GLRB: variants seen among roughly 807,000 people sequenced by gnomAD.
GLRB encodes glycine receptor beta, also known as glycine receptor subunit beta.
In GLRB, 33 loss-of-function variants were observed where a neutral mutation model predicts 54.2. The observed-to-expected ratio is 0.61, with a 90% CI of 0.46 to 0.81. The LOEUF is 0.81. Among genes scored for constraint, GLRB ranks in the 40% least tolerant of loss-of-function variants. The probability of loss-of-function intolerance (pLI) is 0.00; values close to 1 mark genes in which losing one functional copy is unlikely to be tolerated. For synonymous variants in GLRB, 209 were observed against 208.2 expected (o/e 1.00, Z -0.03); for missense variants, 572 against 584.6 (o/e 0.98, Z 0.22).
chr4:157,127,825 A>G (rs934819561), intron 4 of GLRB, among the ~76,000 whole-genome samples: 10 of 151,900 alleles, frequency 6.6e-5, no homozygotes, highest in African/African-American at 2.4e-4. Context: ...AGCCCCTCAG[A>G]CAGAACAATT....
intron 2 of GLRB, among the ~76,000 whole-genome samples, chr4:157,087,791 T>TA (rs1025907904): frequency 1.3e-5 from 2 of 152,022 alleles, no homozygotes; most frequent in African/African-American, 4.8e-5. Flanking sequence ...TGTATCCTTT[T>TA]TTTTTTCTTG....
intron 2 of GLRB, among the ~76,000 whole-genome samples, chr4:157,095,857 G>A (rs887656757): frequency 2.0e-5 from 3 of 152,080 alleles, no homozygotes; most frequent in African/African-American, 4.8e-5. Flanking sequence ...GAAAAGTCAT[G>A]CTCGAATATT....
intron 8 of GLRB, among the ~76,000 whole-genome samples, chr4:157,144,316 G>T (rs1388787928): frequency 6.6e-6 from 1 of 152,116 alleles, no homozygotes; most frequent in Non-Finnish European, 1.5e-5. Flanking sequence ...CTGAAAAATA[G>T]TATGTATTAT....
At chr4:157,139,089 T>A (rs1040593232) in intron 7 of GLRB, 140 bp downstream of exon 7, 5 of 564,854 alleles carry the variant, frequency 8.9e-6, no homozygotes, top group African/African-American at 7.6e-5. Context: ...CATTCATATG[T>A]TTAAGTCTTT....
At chr4:157,169,680 C>G (rs1308955177) in intron 9 of GLRB, among the ~76,000 whole-genome samples, 4 of 151,922 alleles carry the variant, frequency 2.6e-5, no homozygotes, top group African/African-American at 7.3e-5. Context: ...ATAAGTGGAC[C>G]CTTGCAGTTC....
At chr4:157,078,353 C>A in intron 2 of GLRB, 1 of 379,578 alleles carries the variant, frequency 2.6e-6, no homozygotes, top group South Asian at 1.1e-4. Flanking sequence ...TTATAGTTTT[C>A]TTTTTTTAAA....
intron 2 of GLRB, among the ~76,000 whole-genome samples, chr4:157,094,595 G>A (rs1442641297): frequency 9.9e-5 from 15 of 152,162 alleles, no homozygotes; most frequent in Admixed American, 9.8e-4. Context: ...CCAAAAGAGG[G>A]TAGCCTAAAG....
At chr4:157,111,242 C>T (rs899354522) in intron 2 of GLRB, among the ~76,000 whole-genome samples, 1 of 151,962 alleles carries the variant, frequency 6.6e-6, no homozygotes, top group Admixed American at 6.6e-5. Context: ...GGTTTACTTC[C>T]GTTCCTTGCT....
chr4:157,114,038 C>A (rs1735515344), intron 2 of GLRB, among the ~76,000 whole-genome samples: 1 of 151,902 alleles, frequency 6.6e-6, no homozygotes. Context: ...TGAATAACCA[C>A]CAATTTAACT....
chr4:157,158,902 A>G (rs190104524), intron 9 of GLRB, among the ~76,000 whole-genome samples: 1 of 152,308 alleles, frequency 6.6e-6, no homozygotes. Flanking sequence ...ATGGCATTGA[A>G]TCTATAAATT....
chr4:157,120,789 T>C (rs1735788343), intron 3 of GLRB, 127 bp downstream of exon 3: 4 of 536,832 alleles, frequency 7.5e-6, no homozygotes. Flanking sequence ...CAAAGTGATA[T>C]ATAACAAAAA....
intron 2 of GLRB, among the ~76,000 whole-genome samples, chr4:157,101,279 T>A (rs932757823): frequency 6.6e-6 from 1 of 152,052 alleles, no homozygotes; most frequent in African/African-American, 2.4e-5. Context: ...ATATATAACA[T>A]AAAATATAAA....
At chr4:157,092,869 T>G (rs994120542) in intron 2 of GLRB, among the ~76,000 whole-genome samples, 4 of 152,220 alleles carry the variant, frequency 2.6e-5, no homozygotes, top group African/African-American at 9.6e-5. Flanking sequence ...ATCAGAGTCC[T>G]CCTTGTTTAT....
At chr4:157,164,516 G>C (rs1313624556) in intron 9 of GLRB, among the ~76,000 whole-genome samples, 1 of 152,148 alleles carries the variant, frequency 6.6e-6, no homozygotes, top group East Asian at 1.9e-4. Context: ...ATGCTCTATA[G>C]AACAGGTGCT....
chr4:157,086,632 T>A (rs192487084), intron 2 of GLRB, among the ~76,000 whole-genome samples: 1 of 152,326 alleles, frequency 6.6e-6, no homozygotes, highest in East Asian at 1.9e-4. Flanking sequence ...ATAAAATAAC[T>A]AGACTTTCTT....
intron 9 of GLRB, among the ~76,000 whole-genome samples, chr4:157,167,489 A>C (rs1195245923): frequency 2.6e-5 from 4 of 152,138 alleles, no homozygotes; most frequent in Non-Finnish European, 4.4e-5. Flanking sequence ...ACATGCATGC[A>C]TGCCTGTGCA....
At chr4:157,164,536 G>A (rs1356528566) in intron 9 of GLRB, among the ~76,000 whole-genome samples, 1 of 152,072 alleles carries the variant, frequency 6.6e-6, no homozygotes, top group African/African-American at 2.4e-5. Flanking sequence ...TTGATTCCTG[G>A]TAATCCCTAC....
intron 9 of GLRB, among the ~76,000 whole-genome samples, chr4:157,157,980 C>G (rs1428581829): frequency 6.6e-6 from 1 of 152,190 alleles, no homozygotes. Context: ...TCCTATTTCT[C>G]CACATCCTCT....
At chr4:157,079,111 T>C (rs1398876719) in intron 2 of GLRB, among the ~76,000 whole-genome samples, 7 of 152,136 alleles carry the variant, frequency 4.6e-5, no homozygotes, top group Non-Finnish European at 1.0e-4. Context: ...ACATTACTGG[T>C]CAATGAAAGT....
Sources: gnomAD v4.1 joint callset for allele counts (sites outside exome capture counted in the v4.1 genomes callset) on GRCh38, gnomAD v4.1.1 for gene constraint, MANE v1.5 for transcripts, NCBI Gene and HGNC (gene_info 2026-07-23, HGNC 2026-07-21) for gene names.